Variants in IMPG1 observed in about 807,000 individuals in gnomAD.
The protein encoded by IMPG1 is interphotoreceptor matrix proteoglycan 1.
A neutral mutation model predicts 92.0 loss-of-function variants in IMPG1; 85 were observed. The observed-to-expected ratio is 0.92, with a 90% CI of 0.78 to 1.11. The LOEUF (loss-of-function observed/expected upper bound fraction) is 1.11, where lower values mean the gene tolerates loss of function less well. Among genes scored for constraint, IMPG1 ranks in the 50% least tolerant of loss-of-function variants. The pLI, the probability that IMPG1 is intolerant of heterozygous loss-of-function variation, is 0.00. For missense variants in IMPG1, 1,022 were observed against 956.0 expected (o/e 1.07, Z -0.91); for synonymous variants, 367 against 334.1 (o/e 1.10, Z -1.08).
intron 2 of IMPG1, among the ~76,000 whole-genome samples, chr6:76,040,705 A>G (rs1313926212): frequency 6.6e-6 from 1 of 152,226 alleles, no homozygotes; most frequent in Middle Eastern, 3.2e-3. Flanking sequence ...GAAAGTGAAT[A>G]TCTTTTTACT....
At chr6:75,922,689 G>A (rs1453016061) in intron 16 of IMPG1, among the ~76,000 whole-genome samples, 1 of 152,120 alleles carries the variant, frequency 6.6e-6, no homozygotes, top group Admixed American at 6.6e-5. Context: ...TGGACATTTT[G>A]TCAATATCAG....
At chr6:76,021,778 C>CATATATATATATATATATAT (rs140827081) in intron 6 of IMPG1, among the ~76,000 whole-genome samples, 10,732 of 49,042 alleles carry the variant, frequency 0.22, 2,422 homozygotes, top group Non-Finnish European at 0.27. Context: ...ACTTGGAGAG[C>CATATATATATATATATATAT]ATATATATAT....
intron 12 of IMPG1, among the ~76,000 whole-genome samples, chr6:75,994,686 C>T (rs978233216): frequency 3.9e-5 from 6 of 152,138 alleles, no homozygotes; most frequent in South Asian, 4.1e-4. Context: ...ACGGGAAAGA[C>T]CCACCCCCAT....
chr6:76,018,072 T>G (rs555932609), intron 7 of IMPG1, among the ~76,000 whole-genome samples: 20 of 152,180 alleles, frequency 1.3e-4, no homozygotes, highest in Non-Finnish European at 2.4e-4. Flanking sequence ...GAAAGATAAA[T>G]GTAAACACAG....
intron 15 of IMPG1, 70 bp from the exon 16 acceptor site, chr6:75,923,776 T>C (rs1781472427): frequency 1.2e-6 from 1 of 851,260 alleles, no homozygotes; most frequent in African/African-American, 1.7e-5. Flanking sequence ...ACTACATCTT[T>C]CTACTGTTTT....
intron 6 of IMPG1, among the ~76,000 whole-genome samples, chr6:76,021,785 A>ATC: frequency 7.4e-6 from 1 of 135,356 alleles, no homozygotes; most frequent in Non-Finnish European, 1.6e-5. Context: ...GAGCATATAT[A>ATC]TATATATATA....
At chr6:75,927,133 G>A (rs1287736899) in intron 15 of IMPG1, among the ~76,000 whole-genome samples, 1 of 152,138 alleles carries the variant, frequency 6.6e-6, no homozygotes, top group African/African-American at 2.4e-5. Flanking sequence ...TTCCTTACAG[G>A]GCTGCCCTTT....
At chr6:75,948,341 T>A (rs12197743) in intron 13 of IMPG1, among the ~76,000 whole-genome samples, 115 of 151,440 alleles carry the variant, frequency 7.6e-4, no homozygotes, top group Non-Finnish European at 1.4e-3. Context: ...CTCAGTGATG[T>A]TCACCTTGTC....
chr6:75,950,700 A>T lies in IMPG1; in HGVS notation c.1686T>A (p.Ser562Arg), dbSNP rs779661712. 1 of 1,613,984 alleles carries T rather than the reference A, an allele frequency of 6.2e-7. No homozygotes were observed. The highest frequency in any genetic ancestry group is 8.5e-7 in the Non-Finnish European group (1 of 1,179,900). ...GGCCCTTGGGGGCAATGGTCATAGA[A>T]CTAGTGGTGATATACTGTAAAGCTG... ...PVSALQYITT[S>R]SMTIAPKGRE... Residue 562 changes from serine to arginine, a missense_variant, in exon 13 of 17, where the codon AGT (serine) becomes AGA (arginine). Transcript: ENST00000369950.
chr6:76,005,554 C>T lies in IMPG1; in HGVS notation c.888-20G>A, dbSNP rs1246053374. On this transcript the variant is annotated intron_variant, in intron 9 of 16. Coordinates refer to ENST00000369950, the MANE Select transcript of IMPG1 (RefSeq NM_001563.4). ...CTTGAGCTGTAGATAGCAGAGGACA[C>T]ATTCCCCACCCAAAGCCATTGTTAC... is the stretch of plus-strand genomic sequence containing the variant. 3.7e-6 allele frequency: 6 copies of T among 1,609,820 alleles called. No homozygotes were observed. Among genetic ancestry groups the T allele is most frequent in the Non-Finnish European group, 5.1e-6 (6 of 1,177,808 alleles).
chr6:76,029,610 A>G (rs1783619306), intron 4 of IMPG1, among the ~76,000 whole-genome samples: 1 of 152,222 alleles, frequency 6.6e-6, no homozygotes, highest in Non-Finnish European at 1.5e-5. Flanking sequence ...GCTCAGAAAG[A>G]ACAAGAGGGA....
chr6:76,045,038 G>A (rs946179563), intron 1 of IMPG1, among the ~76,000 whole-genome samples: 1 of 152,162 alleles, frequency 6.6e-6, no homozygotes, highest in Non-Finnish European at 1.5e-5. Context: ...ATGTCAGCAA[G>A]TACACACAGC....
In IMPG1 at chr6:75,951,087, A is replaced by T; in HGVS notation, c.1299T>A (p.Ser433=). The change falls in exon 13 of 17, where the codon TCT becomes TCA. Residue 433 remains serine, a synonymous_variant. Coordinates refer to ENST00000369950, the MANE Select transcript of IMPG1 (RefSeq NM_001563.4). ...DGAEHGLPDT[S]WSPPAMASTS... ...TAGAGGCCATAGCAGGTGGAGACCA[A>T]GAAGTGTCTGTGGAGGAAGTACAAT... 6.2e-7 allele frequency: 1 copy of T among 1,604,022 alleles called. No individual in the cohort carries two copies. Among genetic ancestry groups the T allele is most frequent in the Middle Eastern group, 1.7e-4 (1 of 5,968 alleles).
intron 12 of IMPG1, among the ~76,000 whole-genome samples, chr6:75,970,288 T>C (rs1466608715): frequency 6.6e-6 from 1 of 152,270 alleles, no homozygotes; most frequent in African/African-American, 2.4e-5. Context: ...CAAAGATGGG[T>C]GTTGCCTTGA....
chr6:75,957,210 G>C (rs1210750954), intron 12 of IMPG1, among the ~76,000 whole-genome samples: 1 of 152,106 alleles, frequency 6.6e-6, no homozygotes, highest in African/African-American at 2.4e-5. Flanking sequence ...GAGCCACTGT[G>C]CCCAGCCGTT....
rs1455637162 is a variant in IMPG1 at position 75,971,244 on chromosome 6, C to T, written c.1292-20150G>A. 2.0e-5 allele frequency among the ~76,000 whole-genome samples: 3 copies of T among 148,770 alleles called. No individual in the cohort carries two copies. In the East Asian group the frequency reaches 5.9e-4, roughly 29 times the overall value. On this transcript the variant is annotated intron_variant, in intron 12 of 16. Coordinates refer to ENST00000369950, the MANE Select transcript of IMPG1 (RefSeq NM_001563.4). Reference sequence around the variant, plus strand: ...CAAAAAACCAAACACCGCATGTTCTCACTCATAGGTGGGAATTGAACAATG... The same window carrying T: ...CAAAAAACCAAACACCGCATGTTCTTACTCATAGGTGGGAATTGAACAATG...
intron 12 of IMPG1, among the ~76,000 whole-genome samples, chr6:75,990,700 A>G (rs751150553): frequency 3.9e-5 from 6 of 152,188 alleles, no homozygotes; most frequent in Non-Finnish European, 7.3e-5. Flanking sequence ...GCAGAAGTGC[A>G]TAACAATTCC....
At chr6:75,978,052 G>A (rs1455548075) in intron 12 of IMPG1, among the ~76,000 whole-genome samples, 4 of 152,022 alleles carry the variant, frequency 2.6e-5, no homozygotes, top group Non-Finnish European at 5.9e-5. Context: ...AGCTTTCAGG[G>A]TAGCTGGGAT....
chr6:75,995,843 A>G (rs1052449988), intron 12 of IMPG1, among the ~76,000 whole-genome samples: 1 of 152,214 alleles, frequency 6.6e-6, no homozygotes, highest in Admixed American at 6.5e-5. Context: ...TACTGGTATC[A>G]TCCCTGAAAT....
Sources: gnomAD v4.1 joint callset for allele counts (sites outside exome capture counted in the v4.1 genomes callset) on GRCh38, gnomAD v4.1.1 for gene constraint, MANE v1.5 for transcripts, NCBI Gene and HGNC (gene_info 2026-07-23, HGNC 2026-07-21) for gene names.